Variants in PRELID2 observed in about 807,000 individuals in gnomAD.
PRELID2 encodes the protein PRELI domain containing 2.
Under a neutral mutation model 28.4 loss-of-function variants are expected in PRELID2, and 25 were observed. The observed-to-expected ratio is 0.88, with a 90% confidence interval of 0.64 to 1.23. PRELID2 has a LOEUF of 1.23. Among genes scored for constraint, PRELID2 ranks in the 50% most tolerant of loss-of-function variants. The pLI is 0.00. For synonymous variants in PRELID2, 76 were observed against 71.6 expected (o/e 1.06, Z -0.31); for missense variants, 201 against 214.4 (o/e 0.94, Z 0.39).
chr5:145,238,875 T>C, the PRELID2 span, among the ~76,000 whole-genome samples: 1 of 152,098 alleles, frequency 6.6e-6, no homozygotes, highest in Non-Finnish European at 1.5e-5. Context: ...GAATCATCAA[T>C]TATCTAAATC....
the PRELID2 span, among the ~76,000 whole-genome samples, chr5:145,352,056 G>A: frequency 6.6e-6 from 1 of 152,156 alleles, no homozygotes; most frequent in Non-Finnish European, 1.5e-5. Context: ...AATGTCTGTG[G>A]CTTTTCCAGG....
intron 1 of PRELID2, among the ~76,000 whole-genome samples, chr5:145,489,843 G>T (rs983146040): frequency 2.0e-5 from 3 of 152,050 alleles, no homozygotes; most frequent in African/African-American, 4.8e-5. Context: ...TCTGTCGTTA[G>T]CTTTCTTTCA....
At chr5:145,258,969 T>C in the PRELID2 span, among the ~76,000 whole-genome samples, 12,559 of 152,168 alleles carry the variant, frequency 0.083, 1,124 homozygotes, top group African/African-American at 0.23. Flanking sequence ...GGACATTGCT[T>C]CTTGCATCCC....
intron 4 of PRELID2, among the ~76,000 whole-genome samples, chr5:145,800,707 C>G (rs1046211748): frequency 3.9e-5 from 6 of 152,098 alleles, no homozygotes; most frequent in Non-Finnish European, 5.9e-5. Flanking sequence ...CAGAGAATAA[C>G]AGAGCAGTAA....
chr5:145,294,155 T>C, the PRELID2 span, among the ~76,000 whole-genome samples: 12 of 152,278 alleles, frequency 7.9e-5, no homozygotes, highest in African/African-American at 2.9e-4. Context: ...TCTGGGCAAC[T>C]AGTGACAGTT....
chr5:145,688,580 C>T (rs980584226), intron 1 of PRELID2, among the ~76,000 whole-genome samples: 2 of 152,140 alleles, frequency 1.3e-5, no homozygotes, highest in African/African-American at 4.8e-5. Flanking sequence ...AGGTTTGGGA[C>T]ATGACATCTC....
At chr5:145,663,816 T>C (rs1581037237) in intron 1 of PRELID2, among the ~76,000 whole-genome samples, 1 of 152,054 alleles carries the variant, frequency 6.6e-6, no homozygotes, top group African/African-American at 2.4e-5. Context: ...ACCCAATGCA[T>C]AGTGTTATTC....
the PRELID2 span, among the ~76,000 whole-genome samples, chr5:145,353,969 T>C: frequency 6.6e-6 from 1 of 152,228 alleles, no homozygotes. Context: ...ATTTAACATC[T>C]GTGCTTCTTC....
chr5:145,497,497 T>C (rs1359336288), intron 1 of PRELID2, among the ~76,000 whole-genome samples: 1 of 152,136 alleles, frequency 6.6e-6, no homozygotes, highest in Non-Finnish European at 1.5e-5. Context: ...TACTAAGATA[T>C]TACAGAAAGA....
chr5:145,590,035 G>T (rs752463118), intron 1 of PRELID2, among the ~76,000 whole-genome samples: 1 of 152,080 alleles, frequency 6.6e-6, no homozygotes, highest in Non-Finnish European at 1.5e-5. Context: ...ATTACGAAGG[G>T]AGTATGAATT....
At chr5:145,463,304 C>T in the PRELID2 span, among the ~76,000 whole-genome samples, 1 of 146,460 alleles carries the variant, frequency 6.8e-6, no homozygotes, top group Middle Eastern at 3.7e-3. Context: ...AAAAGGATGT[C>T]TCCTAATCAT....
chr5:145,252,487 A>G, the PRELID2 span, among the ~76,000 whole-genome samples: 4 of 152,124 alleles, frequency 2.6e-5, no homozygotes. Flanking sequence ...TCCTAGGTTT[A>G]TTGAGAGGAT....
At chr5:145,467,024 T>C (rs1752008261), downstream of PRELID2, among the ~76,000 whole-genome samples, 1 of 152,146 alleles carries the variant, frequency 6.6e-6, no homozygotes, top group Non-Finnish European at 1.5e-5. Flanking sequence ...TTGAAAGGTC[T>C]CCAATGACCC....
At chr5:145,247,823 A>G in the PRELID2 span, among the ~76,000 whole-genome samples, 1 of 152,122 alleles carries the variant, frequency 6.6e-6, no homozygotes, top group Non-Finnish European at 1.5e-5. Flanking sequence ...TGTCTCTGAG[A>G]CATCCTACAT....
chr5:145,234,865 G>A, the PRELID2 span, among the ~76,000 whole-genome samples: 1 of 152,130 alleles, frequency 6.6e-6, no homozygotes, highest in Non-Finnish European at 1.5e-5. Context: ...TGAGGATGAT[G>A]AGGGTATTTT....
chr5:145,300,170 A>G, the PRELID2 span, among the ~76,000 whole-genome samples: 1 of 152,096 alleles, frequency 6.6e-6, no homozygotes, highest in African/African-American at 2.4e-5. Flanking sequence ...AGCCATTTCA[A>G]ATTTGCTCTT....
the PRELID2 span, among the ~76,000 whole-genome samples, chr5:145,322,975 G>A: frequency 0.61 from 92,793 of 151,862 alleles, 28,859 homozygotes; most frequent in South Asian, 0.86. Context: ...GTGAGACTCC[G>A]TCTCTAAATA....
the PRELID2 span, among the ~76,000 whole-genome samples, chr5:145,431,430 T>G: frequency 6.6e-6 from 1 of 152,148 alleles, no homozygotes; most frequent in Non-Finnish European, 1.5e-5. Flanking sequence ...TTACATAGTT[T>G]GAAAGTTTTT....
the PRELID2 span, among the ~76,000 whole-genome samples, chr5:145,276,078 G>A: frequency 6.6e-6 from 1 of 152,082 alleles, no homozygotes; most frequent in Non-Finnish European, 1.5e-5. Context: ...TTGCTTAAAG[G>A]TAAGATAAAG....
Sources: allele counts gnomAD v4.1 joint callset (sites outside exome capture counted in the v4.1 genomes callset), GRCh38; gene constraint gnomAD v4.1.1; transcripts MANE v1.5; gene names NCBI Gene and HGNC (gene_info 2026-07-23, HGNC 2026-07-21).